The following MIER1 variants were observed in gnomAD, a reference collection of about 807,000 sequenced individuals.
MIER1 encodes the protein mesoderm induction early response protein 1.
In MIER1, 40 loss-of-function variants were observed where a neutral mutation model predicts 75.7. The observed-to-expected ratio is 0.53, with a 90% confidence interval of 0.41 to 0.69. The LOEUF (loss-of-function observed/expected upper bound fraction) is 0.69, where lower values mean the gene tolerates loss of function less well. MIER1 is among the 30% of genes least tolerant of loss of function. MIER1 has a pLI of 0.00. For missense variants in MIER1, 574 were observed against 680.2 expected (o/e 0.84, Z 1.74); for synonymous variants, 213 against 223.4 (o/e 0.95, Z 0.42).
At position 66,958,857 on chromosome 1, in the gene MIER1, A is replaced by C; in HGVS notation, c.508A>C (p.Asn170His). The change falls in exon 6 of 14, where the codon AAT becomes CAT. Residue 170 changes from asparagine to histidine, a missense_variant. Asn to His is a moderately conservative substitution (Grantham distance 68, BLOSUM62 1). Coordinates refer to ENST00000401041, the MANE Select transcript of MIER1 (RefSeq NM_001077700.3). ...TTAATTTATTATTCCACAGGAGGAGAATATAAAGGATTCATCAGGTCAGGA... is the reference window on the plus strand; with the variant it reads ...TTAATTTATTATTCCACAGGAGGAGCATATAAAGGATTCATCAGGTCAGGA... ...SGCSGENKEENIKDSSGQEDE... is the reference protein window; with the variant it reads ...SGCSGENKEEHIKDSSGQEDE... The C allele has an allele frequency of 6.2e-7, 1 of 1,605,686 alleles. No homozygotes were observed.
Position 66,987,848 on chromosome 1 carries a change from C to G in MIER1, c.*2948C>G, listed in dbSNP as rs973979050. The G allele has an allele frequency of 6.6e-6, 1 of 152,166 alleles. No individual in the cohort carries two copies. The highest frequency in any genetic ancestry group is 2.4e-5 in the African/African-American group (1 of 41,396). 9.4% of individuals were successfully genotyped at this position (152,166 alleles called of 1,614,324 possible). ...TGGTTCTTGGTCCCCTTTACCACATCTTGGGTGATGTATTTTTGTCTTCTT... is the reference window on the plus strand; with the variant it reads ...TGGTTCTTGGTCCCCTTTACCACATGTTGGGTGATGTATTTTTGTCTTCTT... On this transcript the variant is annotated 3_prime_UTR_variant, in exon 14 of 14. Coordinates refer to ENST00000401041, the MANE Select transcript of MIER1 (RefSeq NM_001077700.3).
rs549318334 is a variant in MIER1, at chr1:66,963,132, C to A, written c.744C>A (p.Gly248=). The change falls in exon 8 of 14, where the codon GGC becomes GGA. Residue 248 remains glycine, a synonymous_variant. Transcript: ENST00000401041. The part of the protein sequence containing the change: ...GSMFQAEIPV[G]ICRYKENEKV... The stretch of plus-strand genomic sequence containing the variant: ...TGTTTCAAGCAGAAATTCCAGTTGG[C>A]ATTTGTAGATACAAAGAAAATGAAA... 5.0e-6 allele frequency: 8 copies of A among 1,611,044 alleles called. No individual in the cohort carries two copies. The African/African-American group carries it at 6.7e-5, about 13-fold the overall frequency.
rs1273339872 is a variant in MIER1, at chr1:66,926,156, C to G, written c.82C>G (p.Arg28Gly). The G allele has an allele frequency of 6.2e-7, 1 of 1,613,666 alleles. No individual in the cohort carries two copies. The highest frequency in any genetic ancestry group is 8.5e-7 in the Non-Finnish European group (1 of 1,179,684). Residue 28 changes from arginine (R) to glycine (G), a missense_variant, in exon 2 of 14, where the codon CGA becomes GGA. Arg to Gly is a moderately radical substitution (Grantham distance 125). Coordinates refer to ENST00000401041, the MANE Select transcript of MIER1 (RefSeq NM_001077700.3). ...SSGSGYGVVA[R>G]FSQCLAEFRT... The stretch of plus-strand genomic sequence containing the variant: ...CTTTGATCCAGATGGTGTGGTCGCT[C>G]GATTCTCCCAGTGCCTGGCTGAGTT...
chr1:66,984,786 T>C lies in MIER1; in HGVS notation c.1584T>C (p.Pro528=), dbSNP rs748599303. 1 of 1,613,992 alleles carries C rather than the reference T, an allele frequency of 6.2e-7. No individual in the cohort carries two copies. The highest frequency in any genetic ancestry group is 1.1e-5 in the South Asian group (1 of 91,078). ...ENDFDEKSER[P]AKRRRVNSNG... ...ATTTTGATGAAAAAAGTGAGAGACC[T>C]GCCAAAAGGCGAAGGGTAAACAGCA... The change falls in exon 14 of 14, where the codon CCT becomes CCC. Residue 528 remains proline (P), a synonymous_variant. Transcript: ENST00000401041.
intron 8 of MIER1, among the ~76,000 whole-genome samples, chr1:66,964,657 G>A (rs1400231171): frequency 2.0e-5 from 3 of 150,004 alleles, no homozygotes; most frequent in Non-Finnish European, 4.4e-5. Context: ...TCTCCATGTC[G>A]GTCAGGCTGG....
At chr1:66,945,267 G>GTATATATATATA (rs66525570) in intron 3 of MIER1, among the ~76,000 whole-genome samples, 2 of 141,872 alleles carry the variant, frequency 1.4e-5, no homozygotes, top group Non-Finnish European at 3.1e-5. Flanking sequence ...TCTGGTGTGT[G>GTATATATATATA]TATATATATA....
intron 2 of MIER1, among the ~76,000 whole-genome samples, chr1:66,928,711 C>T (rs1371993432): frequency 6.6e-6 from 1 of 152,154 alleles, no homozygotes; most frequent in Non-Finnish European, 1.5e-5. Context: ...CTATTAGAAA[C>T]TATATACCTC....
In MIER1 at chr1:66,981,929, A is replaced by G. The variant is rs1665966506; in HGVS notation, c.1369+11A>G. ...CTGCTAATCAAAATGGTAAGCAACC[A>G]GAGAAACATTTCTCTTTCTTCATAA... On this transcript the variant is annotated intron_variant, in intron 13 of 13. Coordinates refer to ENST00000401041, the MANE Select transcript of MIER1 (RefSeq NM_001077700.3). 1.9e-6 allele frequency: 3 copies of G among 1,612,488 alleles called. No individual in the cohort carries two copies. In the Admixed American group the frequency reaches 5.0e-5, roughly 27 times the overall value.
chr1:66,986,487 T>G lies in MIER1; in HGVS notation c.*1587T>G. 6.4e-7 allele frequency: 1 copy of G among 1,558,664 alleles called. No homozygotes were observed. Among genetic ancestry groups the G allele is most frequent in the Non-Finnish European group, 8.8e-7 (1 of 1,135,390 alleles). On this transcript the variant is annotated 3_prime_UTR_variant, in exon 14 of 14. Transcript: ENST00000401041. ...TTTTTAAAATAAAGCTTCTGTGGTC[T>G]TGTTTTTAATGGCTCAACTGTCTGA...
rs897158985 is a variant in MIER1 at position 66,985,646 on chromosome 1, TCTTAA to T, written c.*750_*754del. 18 of 984,802 alleles carry T rather than the reference TCTTAA, an allele frequency of 1.8e-5. No homozygotes were observed. The highest frequency in any genetic ancestry group is 2.2e-4 in the East Asian group (2 of 8,952). 61.0% of individuals were successfully genotyped at this position (984,802 alleles called of 1,614,324 possible). On this transcript the variant is annotated 3_prime_UTR_variant, in exon 14 of 14. Transcript: ENST00000401041. ...CTTAATACAAAAGCGTGTATAATTT[TCTTAA>T]CTTGTACAGTTGGTAAACTTTTATG...
intron 3 of MIER1, among the ~76,000 whole-genome samples, chr1:66,942,472 G>A (rs536958131): frequency 3.2e-4 from 48 of 152,110 alleles, no homozygotes; most frequent in Admixed American, 8.5e-4. Flanking sequence ...AAGATGTAAG[G>A]TACCTTTTCT....
At chr1:66,930,511 T>G in intron 2 of MIER1, 1 of 1,137,040 alleles carries the variant, frequency 8.8e-7, no homozygotes, top group Non-Finnish European at 1.2e-6. Context: ...CTGGCGCCGC[T>G]GCCCACCTGT....
intron 4 of MIER1, chr1:66,946,644 C>G (rs1357858579): frequency 1.0e-6 from 1 of 997,660 alleles, no homozygotes; most frequent in African/African-American, 1.7e-5. Flanking sequence ...TATTCTCCTT[C>G]AGAGCCAAAA....
rs1268040856 is a variant in MIER1, at chr1:66,963,179, T to C, written c.772+19T>C. 2 of 1,474,148 alleles carry C rather than the reference T, an allele frequency of 1.4e-6. No homozygotes were observed. The highest frequency in any genetic ancestry group is 1.9e-6 in the Non-Finnish European group (2 of 1,053,264). The allele number at this position is 1,474,148 out of a possible 1,614,324, so 91.3% of individuals were successfully genotyped here. On this transcript the variant is annotated intron_variant, in intron 8 of 13. Coordinates refer to ENST00000401041, the MANE Select transcript of MIER1 (RefSeq NM_001077700.3). The stretch of plus-strand genomic sequence containing the variant: ...GAAAAAGGTGGGTTATTAGTAAAGT[T>C]ACGTAGCTGAATTTATGCTTTCAGT...
chr1:66,945,687 C>T (rs1441817263), intron 3 of MIER1, among the ~76,000 whole-genome samples: 2 of 152,078 alleles, frequency 1.3e-5, no homozygotes, highest in East Asian at 1.9e-4. Context: ...CATAGCAAGA[C>T]CCTGCCTTTA....
intron 3 of MIER1, among the ~76,000 whole-genome samples, chr1:66,943,506 GTTCCTTTCCTTTCCTTACTATCTT>G (rs1225598442): frequency 2.0e-5 from 3 of 151,986 alleles, no homozygotes; most frequent in African/African-American, 4.8e-5. Context: ...TTTAATATCA[GTTCCTTTCCTTTCCTTACTATCTT>G]TTCCTTTCCT....
chr1:66,969,220 T>A (rs1449668163), intron 8 of MIER1, among the ~76,000 whole-genome samples: 1 of 151,910 alleles, frequency 6.6e-6, no homozygotes, highest in Non-Finnish European at 1.5e-5. Flanking sequence ...GGTTTTGAAG[T>A]GTGTGTGGGT....
rs1664347461 is a variant in MIER1, at chr1:66,974,667, A to AC, written c.1101+1676_1101+1677insC. 2.6e-5 allele frequency among the ~76,000 whole-genome samples: 4 copies of AC among 152,256 alleles called. No homozygotes were observed. The East Asian group carries it at 7.7e-4, about 29-fold the overall frequency. On this transcript the variant is annotated intron_variant, in intron 11 of 13. Coordinates refer to ENST00000401041, the MANE Select transcript of MIER1 (RefSeq NM_001077700.3). ...AGTATAACCTTGATTTCTCATAAAT[A>AC]TTTGGGACAGTGGCATTTAAATGTT...
chr1:66,943,420 TTAA>T (rs1172471417), intron 3 of MIER1, among the ~76,000 whole-genome samples: 7 of 152,212 alleles, frequency 4.6e-5, no homozygotes, highest in Middle Eastern at 3.2e-3. Flanking sequence ...TTGATAAGTG[TTAA>T]TAACTCATTT....
Sources: allele counts gnomAD v4.1 joint callset (sites outside exome capture counted in the v4.1 genomes callset), GRCh38; gene constraint gnomAD v4.1.1; transcripts MANE v1.5; gene names NCBI Gene and HGNC (gene_info 2026-07-23, HGNC 2026-07-21).